Variants in ANKH observed in about 807,000 individuals in gnomAD.
ANKH encodes the protein ANKH inorganic pyrophosphate transport regulator, also known as mineralization regulator ANKH.
Under a neutral mutation model 49.0 loss-of-function variants are expected in ANKH, and 15 were observed. That is an observed-to-expected ratio of 0.31 (90% CI 0.20 to 0.47). ANKH has a LOEUF of 0.47. Ranked by LOEUF, ANKH falls within the 20% of genes least tolerant of loss-of-function variation. ANKH has a pLI of 1.00. For missense variants in ANKH, 429 were observed against 652.0 expected, an observed-to-expected ratio of 0.66 and a Z score of 3.72; for synonymous variants, 273 against 260.0, an observed-to-expected ratio of 1.05 and a Z score of -0.48.
chr5:14,834,960 T>C (rs1467254969), intron 1 of ANKH, among the ~76,000 whole-genome samples: 1 of 152,176 alleles, frequency 6.6e-6, no homozygotes, highest in African/African-American at 2.4e-5. Context: ...ACATAACTGC[T>C]TGTTTTAGTA....
At chr5:14,776,218 T>C (rs1027353221) in intron 1 of ANKH, among the ~76,000 whole-genome samples, 1 of 151,956 alleles carries the variant, frequency 6.6e-6, no homozygotes, top group African/African-American at 2.4e-5. Context: ...ATTTTCTGGG[T>C]TGAGGAAATG....
chr5:14,862,750 T>C (rs1294003377), intron 1 of ANKH, among the ~76,000 whole-genome samples: 1 of 152,218 alleles, frequency 6.6e-6, no homozygotes, highest in Admixed American at 6.5e-5. Context: ...GTTTCACGTA[T>C]GTTTTCTTAA....
rs758988149 is a variant in ANKH at position 14,741,889 on chromosome 5, T to C, written c.949A>G (p.Asn317Asp). 4 of 1,614,196 alleles carry C rather than the reference T, an allele frequency of 2.5e-6. No homozygotes were observed. The highest frequency in any genetic ancestry group is 3.4e-6 in the Non-Finnish European group (4 of 1,180,034). The change falls in exon 8 of 12, where the codon AAC (asparagine) becomes GAC (aspartate). Residue 317 changes from asparagine (N) to aspartate (D), a missense_variant. Coordinates refer to ENST00000284268, the MANE Select transcript of ANKH (RefSeq NM_054027.6). ...NPSNKLVSTSNTVTAAHIKKF... is the reference protein window; with the variant it reads ...NPSNKLVSTSDTVTAAHIKKF... ...TTGATGTGGGCTGCCGTGACTGTGTTGCTCGTGCTCACCAGTTTGTTGCTG... is the reference window on the plus strand; with the variant it reads ...TTGATGTGGGCTGCCGTGACTGTGTCGCTCGTGCTCACCAGTTTGTTGCTG...
chr5:14,810,590 G>C (rs1740850597), intron 1 of ANKH, among the ~76,000 whole-genome samples: 1 of 152,162 alleles, frequency 6.6e-6, no homozygotes, highest in South Asian at 2.1e-4. Flanking sequence ...CAAGTGACAT[G>C]ACTAATTACA....
rs1044495297 is a variant in ANKH at position 14,751,369 on chromosome 5, C to G, written c.517-130G>C. 2.5e-5 allele frequency: 23 copies of G among 916,328 alleles called. No homozygotes were observed. In the African/African-American group the frequency reaches 3.6e-4, roughly 14 times the overall value. 56.8% of individuals were successfully genotyped at this position (916,328 alleles called of 1,614,324 possible). A position where few individuals can be genotyped will look rare whatever the true frequency, so the allele number is the denominator to read the frequency against. ...ATCTTGACTTTTATGCAAACAGAACCAAAAATTGGATGATGACCCAATGTC... is the reference window on the plus strand; with the variant it reads ...ATCTTGACTTTTATGCAAACAGAACGAAAAATTGGATGATGACCCAATGTC... On this transcript the variant is annotated intron_variant, in intron 4 of 11. Transcript: ENST00000284268.
At chr5:14,790,383 G>C (rs1457534492) in intron 1 of ANKH, among the ~76,000 whole-genome samples, 2 of 152,150 alleles carry the variant, frequency 1.3e-5, no homozygotes, top group East Asian at 3.8e-4. Context: ...ACAGATCAGG[G>C]AAAAACAGGA....
At chr5:14,829,719 T>C (rs1026720677) in intron 1 of ANKH, among the ~76,000 whole-genome samples, 2 of 152,180 alleles carry the variant, frequency 1.3e-5, no homozygotes, top group African/African-American at 4.8e-5. Context: ...ATAAAAAGAT[T>C]TGTTGCACAT....
chr5:14,838,033 T>A (rs1741706130), intron 1 of ANKH, among the ~76,000 whole-genome samples: 2 of 152,172 alleles, frequency 1.3e-5, no homozygotes, highest in South Asian at 2.1e-4. Context: ...AAACACTGCA[T>A]GTTATCACTC....
intron 8 of ANKH, among the ~76,000 whole-genome samples, chr5:14,726,158 T>G (rs1273498109): frequency 6.6e-6 from 1 of 152,132 alleles, no homozygotes; most frequent in East Asian, 1.9e-4. Context: ...TGATTTGATA[T>G]ACTTAGGGGT....
At chr5:14,763,868 C>T (rs1390959985) in intron 2 of ANKH, among the ~76,000 whole-genome samples, 6 of 152,138 alleles carry the variant, frequency 3.9e-5, no homozygotes, top group African/African-American at 1.4e-4. Flanking sequence ...GCGGGTGGAT[C>T]ACCTGAGGTC....
At position 14,715,925 on chromosome 5, in the gene ANKH, C is replaced by T. The variant is rs1203945693; in HGVS notation, c.1141+781G>A. 4.6e-5 allele frequency among the ~76,000 whole-genome samples: 7 copies of T among 152,380 alleles called. No homozygotes were observed. The East Asian group carries it at 1.2e-3, about 25-fold the overall frequency. On this transcript the variant is annotated intron_variant, in intron 9 of 11. Coordinates refer to ENST00000284268, the MANE Select transcript of ANKH (RefSeq NM_054027.6). ...ACCATCCATCTGGCCTCAGGTTCCCCTGGAGTCTTCCTTTCTCCAGCAGTC... is the reference window on the plus strand; with the variant it reads ...ACCATCCATCTGGCCTCAGGTTCCCTTGGAGTCTTCCTTTCTCCAGCAGTC...
At chr5:14,747,747 T>C (rs1252210350) in intron 6 of ANKH, among the ~76,000 whole-genome samples, 3 of 152,166 alleles carry the variant, frequency 2.0e-5, no homozygotes, top group African/African-American at 7.2e-5. Flanking sequence ...TCCAGGAACA[T>C]GAGGCAAATC....
intron 1 of ANKH, among the ~76,000 whole-genome samples, chr5:14,776,193 T>A (rs1003836086): frequency 1.3e-5 from 2 of 152,084 alleles, no homozygotes; most frequent in African/African-American, 4.8e-5. Flanking sequence ...GAGTCACTGA[T>A]CAAGTGCTGC....
chr5:14,778,230 C>T (rs1739693243), intron 1 of ANKH, among the ~76,000 whole-genome samples: 1 of 152,198 alleles, frequency 6.6e-6, no homozygotes, highest in Admixed American at 6.5e-5. Flanking sequence ...CAGCCAATGC[C>T]TCTCTGCTCT....
At chr5:14,835,337 C>G (rs114634894) in intron 1 of ANKH, among the ~76,000 whole-genome samples, 2,427 of 152,240 alleles carry the variant, frequency 0.016, 65 homozygotes, top group African/African-American at 0.055. Flanking sequence ...AGAGTCTGTT[C>G]CATTGTAAAA....
chr5:14,822,505 A>G (rs750885688), intron 1 of ANKH, among the ~76,000 whole-genome samples: 2 of 152,310 alleles, frequency 1.3e-5, no homozygotes, highest in East Asian at 1.9e-4. Context: ...ATGACCCTAC[A>G]TCGGGCCCAT....
intron 1 of ANKH, among the ~76,000 whole-genome samples, chr5:14,820,518 G>A (rs1741168173): frequency 6.6e-6 from 1 of 152,190 alleles, no homozygotes; most frequent in South Asian, 2.1e-4. Flanking sequence ...CTACTAAGAG[G>A]AGACACCACA....
In ANKH at chr5:14,804,217, C is replaced by T. The variant is rs557202264; in HGVS notation, c.97-35026G>A. 1.2e-4 allele frequency among the ~76,000 whole-genome samples: 18 copies of T among 152,228 alleles called. 1 individual carries two copies. The South Asian group carries it at 1.9e-3, about 16-fold the overall frequency. ...AGCTAGTTCTCCTTTTCTACAGAGA[C>T]GAAGGAACGGAGGCAGAGAGAATTT... On this transcript the variant is annotated intron_variant, in intron 1 of 11. Transcript: ENST00000284268.
intron 5 of ANKH, 92 bp downstream of exon 5, chr5:14,750,977 A>G: frequency 6.6e-7 from 1 of 1,513,152 alleles, no homozygotes; most frequent in Non-Finnish European, 9.1e-7. Flanking sequence ...TCATGTTTTG[A>G]TGTCACTGAT....
Sources: allele counts gnomAD v4.1 joint callset (sites outside exome capture counted in the v4.1 genomes callset), GRCh38; gene constraint gnomAD v4.1.1; transcripts MANE v1.5; gene names NCBI Gene and HGNC (gene_info 2026-07-23, HGNC 2026-07-21).